The following SNTB2 variants were observed in gnomAD, a reference collection of about 807,000 sequenced individuals.
The protein encoded by SNTB2 is syntrophin beta 2.
In SNTB2, 34 loss-of-function variants were observed where a neutral mutation model predicts 46.2. The ratio of observed to expected loss-of-function variants is 0.74; its 90% confidence interval spans 0.56 to 0.98. The LOEUF (loss-of-function observed/expected upper bound fraction) is 0.98. Ranked by LOEUF, SNTB2 falls within the 50% of genes least tolerant of loss-of-function variation. The pLI, the probability that SNTB2 is intolerant of heterozygous loss-of-function variation, is 0.00. For missense variants in SNTB2, 603 were observed against 731.4 expected (o/e 0.82, Z 2.02); for synonymous variants, 290 against 312.6 (o/e 0.93, Z 0.76).
At chr16:69,238,803 A>G (rs542852461) in intron 1 of SNTB2, among the ~76,000 whole-genome samples, 1 of 151,788 alleles carries the variant, frequency 6.6e-6, no homozygotes, top group South Asian at 2.1e-4. Context: ...CCCTGGTCCA[A>G]CTCCTATCAT....
chr16:69,266,236 C>T (rs13336373), intron 3 of SNTB2, among the ~76,000 whole-genome samples: 1,526 of 152,188 alleles, frequency 0.01, 33 homozygotes, highest in African/African-American at 0.035. Flanking sequence ...TGGTGGCGGA[C>T]GCCTGTAATC....
intron 1 of SNTB2, among the ~76,000 whole-genome samples, chr16:69,191,391 CAA>C (rs60703484): frequency 1.1e-3 from 8 of 7,464 alleles, no homozygotes; most frequent in African/African-American, 2.0e-3. Flanking sequence ...ACAAAAACTT[CAA>C]AAAAAAAAAT....
chr16:69,214,747 G>T (rs1964329558), intron 1 of SNTB2, among the ~76,000 whole-genome samples: 1 of 151,880 alleles, frequency 6.6e-6, no homozygotes, highest in African/African-American at 2.4e-5. Context: ...GGCTGGTCTG[G>T]AACTCCTGAC....
intron 4 of SNTB2, among the ~76,000 whole-genome samples, chr16:69,279,839 A>ATT (rs71148982): frequency 2.9e-4 from 40 of 137,334 alleles, no homozygotes; most frequent in Middle Eastern, 3.5e-3. Flanking sequence ...TCCTTTGCCC[A>ATT]TTTTTTTTAA....
At chr16:69,196,521 C>T (rs559439937) in intron 1 of SNTB2, among the ~76,000 whole-genome samples, 11 of 151,796 alleles carry the variant, frequency 7.2e-5, no homozygotes, top group Admixed American at 5.3e-4. Flanking sequence ...ATTACAGACA[C>T]GCGCTACCAT....
chr16:69,243,742 A>T (rs1237762750), intron 1 of SNTB2, among the ~76,000 whole-genome samples: 1 of 152,172 alleles, frequency 6.6e-6, no homozygotes, highest in Non-Finnish European at 1.5e-5. Context: ...CTCAAGGGTT[A>T]TACTGACTGC....
At chr16:69,197,958 G>GA (rs1398658583) in intron 1 of SNTB2, among the ~76,000 whole-genome samples, 2 of 152,034 alleles carry the variant, frequency 1.3e-5, no homozygotes, top group African/African-American at 2.4e-5. Context: ...CAAAGTAATT[G>GA]AAAAAATTAA....
At chr16:69,255,852 G>A (rs1483189959) in intron 2 of SNTB2, among the ~76,000 whole-genome samples, 5 of 150,790 alleles carry the variant, frequency 3.3e-5, no homozygotes, top group Admixed American at 6.6e-5. Context: ...ACTCCAGCCC[G>A]GGCAACAAGA....
At chr16:69,260,392 C>A in intron 3 of SNTB2, 132 bp downstream of exon 3, 1 of 831,460 alleles carries the variant, frequency 1.2e-6, no homozygotes, top group Non-Finnish European at 1.9e-6. Context: ...TTTTGTTTTT[C>A]AGTGTTTTGT....
At chr16:69,189,479 G>T (rs1964028078) in intron 1 of SNTB2, among the ~76,000 whole-genome samples, 1 of 152,184 alleles carries the variant, frequency 6.6e-6, no homozygotes, top group Non-Finnish European at 1.5e-5. Context: ...TTTTGGCCAG[G>T]CGTGGTGGCT....
At chr16:69,256,430 A>G (rs1370097332) in intron 2 of SNTB2, among the ~76,000 whole-genome samples, 1 of 152,188 alleles carries the variant, frequency 6.6e-6, no homozygotes, top group African/African-American at 2.4e-5. Flanking sequence ...ACCAATGTCC[A>G]GAAATTTTTC....
At chr16:69,217,118 C>T (rs1047598421) in intron 1 of SNTB2, among the ~76,000 whole-genome samples, 11 of 152,034 alleles carry the variant, frequency 7.2e-5, no homozygotes, top group African/African-American at 2.4e-4. Flanking sequence ...AGTACGTTAA[C>T]GGTAAAGTAA....
At chr16:69,267,511 G>T (rs1481036214) in intron 3 of SNTB2, among the ~76,000 whole-genome samples, 1 of 152,214 alleles carries the variant, frequency 6.6e-6, no homozygotes, top group African/African-American at 2.4e-5. Flanking sequence ...TGTCCTTCCA[G>T]ACATTGGAGA....
chr16:69,275,108 T>C (rs1287638231), intron 4 of SNTB2, among the ~76,000 whole-genome samples: 1 of 151,724 alleles, frequency 6.6e-6, no homozygotes, highest in Non-Finnish European at 1.5e-5. Flanking sequence ...TCTCACTCTG[T>C]TGTCCAGTCT....
chr16:69,228,540 T>G (rs939560079), intron 1 of SNTB2, among the ~76,000 whole-genome samples: 9 of 149,488 alleles, frequency 6.0e-5, no homozygotes, highest in Non-Finnish European at 1.2e-4. Flanking sequence ...ATTTCATAAA[T>G]TATAAACTGA....
intron 1 of SNTB2, among the ~76,000 whole-genome samples, chr16:69,199,740 A>C (rs1597169388): frequency 6.6e-6 from 1 of 152,212 alleles, no homozygotes; most frequent in East Asian, 1.9e-4. Context: ...TTCTTTAGTG[A>C]ATGGGCAAGA....
intron 1 of SNTB2, among the ~76,000 whole-genome samples, chr16:69,226,220 C>T (rs892374434): frequency 1.3e-5 from 2 of 151,932 alleles, no homozygotes; most frequent in South Asian, 2.1e-4. Flanking sequence ...TACAGGCACC[C>T]GCCATCATGA....
intron 2 of SNTB2, among the ~76,000 whole-genome samples, chr16:69,259,358 G>A (rs1400963245): frequency 2.1e-5 from 3 of 141,842 alleles, no homozygotes; most frequent in Non-Finnish European, 4.5e-5. Flanking sequence ...TCAGCCTCCC[G>A]AGTAGCTGGG....
chr16:69,189,273 T>C (rs1448133060), intron 1 of SNTB2, among the ~76,000 whole-genome samples: 1 of 152,178 alleles, frequency 6.6e-6, no homozygotes, highest in African/African-American at 2.4e-5. Context: ...AGTAAAATTA[T>C]AGATTGTGGT....
Sources: gnomAD v4.1 joint callset for allele counts (sites outside exome capture counted in the v4.1 genomes callset) on GRCh38, gnomAD v4.1.1 for gene constraint, MANE v1.5 for transcripts, NCBI Gene and HGNC (gene_info 2026-07-23, HGNC 2026-07-21) for gene names.